GPR141: variants seen among roughly 807,000 people sequenced by gnomAD.
The protein encoded by GPR141 is probable G protein-coupled receptor 141.
Under a neutral mutation model 6.8 loss-of-function variants are expected in GPR141, and 6 were observed. The ratio of observed to expected loss-of-function variants is 0.88; its 90% confidence interval spans 0.48 to 1.74. The LOEUF (loss-of-function observed/expected upper bound fraction) is 1.74, where lower values mean the gene tolerates loss of function less well. GPR141 is among the 40% of genes most tolerant of loss of function. The pLI is 0.01. For synonymous variants in GPR141, 140 were observed against 142.3 expected (o/e 0.98, Z 0.11); for missense variants, 372 against 372.9 (o/e 1.00, Z 0.02).
chr7:37,742,438 C>G lies in GPR141; in HGVS notation c.*1127C>G, dbSNP rs966607341. Among the ~76,000 whole-genome samples the G allele has an allele frequency of 1.3e-5, 2 of 151,516 alleles. No homozygotes were observed. The highest frequency in any genetic ancestry group is 1.3e-4 in the Admixed American group (2 of 15,188). Reference sequence around the variant, plus strand: ...AGGCCCCATTGTGTGATGTTCCCCTCCCTGTGTCCATGTGTTTTCATTGTT... The same window carrying G: ...AGGCCCCATTGTGTGATGTTCCCCTGCCTGTGTCCATGTGTTTTCATTGTT... On this transcript the variant is annotated 3_prime_UTR_variant, in exon 3 of 3. Coordinates refer to ENST00000334425, the MANE Select transcript of GPR141 (RefSeq NM_001381946.1).
At chr7:37,684,371 T>C (rs1020809548) in intron 1 of GPR141, among the ~76,000 whole-genome samples, 23 of 152,298 alleles carry the variant, frequency 1.5e-4, no homozygotes, top group African/African-American at 5.5e-4. Context: ...CTGTAAGCAA[T>C]CAAGTACTTA....
rs373321549 is a variant in GPR141 at position 37,696,908 on chromosome 7, T to A, written c.-15+11325T>A. ...CACAAACATATATAGGTTTTCTTAGTTGCGTTTTCTGGAAAAAATTTTAAT... is the reference window on the plus strand; with the variant it reads ...CACAAACATATATAGGTTTTCTTAGATGCGTTTTCTGGAAAAAATTTTAAT... On this transcript the variant is annotated intron_variant, in intron 2 of 2. Coordinates refer to ENST00000334425, the MANE Select transcript of GPR141 (RefSeq NM_001381946.1). 1.2e-4 allele frequency among the ~76,000 whole-genome samples: 18 copies of A among 152,172 alleles called. No homozygotes were observed. In the East Asian group the frequency reaches 3.1e-3, roughly 26 times the overall value.
Position 37,743,188 on chromosome 7 carries a change from A to T in GPR141, c.*1877A>T, listed in dbSNP as rs1487068455. 1.3e-5 allele frequency among the ~76,000 whole-genome samples: 2 copies of T among 151,242 alleles called. No individual in the cohort carries two copies. The highest frequency in any genetic ancestry group is 1.3e-4 in the Admixed American group (2 of 15,082). ...ATTAAGGGAACTTTTTTTTTCATCA[A>T]GGTATATCTTCGGGATTTAAAAGTT... On this transcript the variant is annotated 3_prime_UTR_variant, in exon 3 of 3. Coordinates refer to ENST00000334425, the MANE Select transcript of GPR141 (RefSeq NM_001381946.1).
chr7:37,688,435 A>AAAAT lies in GPR141; in HGVS notation c.-15+2876_-15+2879dup, dbSNP rs371334926. ...CAACAAGAGCAAAACTCCATTTGAGAAAATAAATAAATAAATAAATAAATA... is the reference window on the plus strand; with the variant it reads ...CAACAAGAGCAAAACTCCATTTGAGAAAATAAATAAATAAATAAATAAATAAATA... On this transcript the variant is annotated intron_variant, in intron 2 of 2. Transcript: ENST00000334425. Among the ~76,000 whole-genome samples the AAAAT allele has an allele frequency of 6.1e-3, 921 of 152,158 alleles. 9 individuals carry two copies. The highest frequency in any genetic ancestry group is 0.014 in the African/African-American group (583 of 41,492).
rs1156657117 is a variant in GPR141, at chr7:37,685,506, G to A, written c.-92G>A. On this transcript the variant is annotated 5_prime_UTR_variant, in exon 2 of 3. An upstream start codon of the reference 5' UTR is lost. Transcript: ENST00000334425. ...GGCTGGAGTTTAGCGACTCAATCAT[G>A]GCTCACTGACTGCAGCATCGACCTC... 6.6e-6 allele frequency: 1 copy of A among 150,644 alleles called. No individual in the cohort carries two copies. Among genetic ancestry groups the A allele is most frequent in the Non-Finnish European group, 1.5e-5 (1 of 67,826 alleles). The allele number at this position is 150,644 out of a possible 1,614,324, so 9.3% of individuals were successfully genotyped here.
intron 2 of GPR141, among the ~76,000 whole-genome samples, chr7:37,716,752 A>G (rs989542544): frequency 3.3e-5 from 5 of 152,248 alleles, no homozygotes; most frequent in Non-Finnish European, 7.3e-5. Flanking sequence ...ATTTTCTGTC[A>G]GCTTATCTGA....
intron 2 of GPR141, among the ~76,000 whole-genome samples, chr7:37,695,732 G>A (rs557638030): frequency 1.3e-5 from 2 of 152,258 alleles, no homozygotes; most frequent in South Asian, 2.1e-4. Context: ...TTGTGGTGAG[G>A]ACATGTGCTA....
intron 2 of GPR141, among the ~76,000 whole-genome samples, chr7:37,696,664 A>G (rs1380335852): frequency 6.6e-6 from 1 of 151,904 alleles, no homozygotes; most frequent in Non-Finnish European, 1.5e-5. Flanking sequence ...CTGCCTTACA[A>G]AGATAATTTT....
intron 2 of GPR141, among the ~76,000 whole-genome samples, chr7:37,730,306 A>C (rs1811860708): frequency 6.6e-6 from 1 of 152,222 alleles, no homozygotes; most frequent in Non-Finnish European, 1.5e-5. Context: ...TCTACAAAAT[A>C]AAGTGTGAGG....
In GPR141 at chr7:37,712,813, G is replaced by A. The variant is rs1214342284; in HGVS notation, c.-15+27230G>A. Among the ~76,000 whole-genome samples, 4 of 152,152 alleles carry A rather than the reference G, an allele frequency of 2.6e-5. No homozygotes were observed. In the East Asian group the frequency reaches 7.7e-4, roughly 29 times the overall value. ...TTTATCCTTATGGACCTGTGTATTG[G>A]CCGAGGGTCAGCCAGTTGGTCAAGG... On this transcript the variant is annotated intron_variant, in intron 2 of 2. Coordinates refer to ENST00000334425, the MANE Select transcript of GPR141 (RefSeq NM_001381946.1).
At chr7:37,704,308 G>A (rs1259516605) in intron 2 of GPR141, among the ~76,000 whole-genome samples, 1 of 151,778 alleles carries the variant, frequency 6.6e-6, no homozygotes, top group African/African-American at 2.4e-5. Flanking sequence ...ATGCTGCTAT[G>A]AAGAAACACC....
chr7:37,732,419 G>A (rs116147222), intron 2 of GPR141, among the ~76,000 whole-genome samples: 371 of 152,170 alleles, frequency 2.4e-3, no homozygotes, highest in African/African-American at 8.6e-3. Context: ...TTAGCAGAAG[G>A]ATAATTTTAG....
chr7:37,733,677 AAAAAAAAAAAAG>A (rs1812093256), intron 2 of GPR141, among the ~76,000 whole-genome samples: 1 of 150,498 alleles, frequency 6.6e-6, no homozygotes, highest in African/African-American at 2.4e-5. Context: ...ATCTCAAAAA[AAAAAAAAAAAAG>A]AAAAAAGAAA....
In GPR141 at chr7:37,741,327, T is replaced by G; in HGVS notation, c.*16T>G. ...GTGCCGTTAGCCACAAACTACAGTA[T>G]TCATATTTGCTTCCTTTATATTGGG... On this transcript the variant is annotated 3_prime_UTR_variant, in exon 3 of 3. Coordinates refer to ENST00000334425, the MANE Select transcript of GPR141 (RefSeq NM_001381946.1). 1 of 1,534,012 alleles carries G rather than the reference T, an allele frequency of 6.5e-7. No individual in the cohort carries two copies.
In GPR141 at chr7:37,712,487, A is replaced by C. The variant is rs148929640; in HGVS notation, c.-15+26904A>C. On this transcript the variant is annotated intron_variant, in intron 2 of 2. Transcript: ENST00000334425. ...CTGAATATTGCTTCTGTTTGGACTAATGATGCTAGACTGATATTTACTCCT... is the reference window on the plus strand; with the variant it reads ...CTGAATATTGCTTCTGTTTGGACTACTGATGCTAGACTGATATTTACTCCT... 3.5e-3 allele frequency among the ~76,000 whole-genome samples: 529 copies of C among 152,242 alleles called. 5 individuals carry two copies. Among genetic ancestry groups the C allele is most frequent in the African/African-American group, 0.012 (506 of 41,532 alleles).
chr7:37,703,071 G>A (rs12673439), intron 2 of GPR141, among the ~76,000 whole-genome samples: 15,214 of 151,994 alleles, frequency 0.1, 1,080 homozygotes, highest in South Asian at 0.26. Flanking sequence ...TAAACCGGTA[G>A]TATTATCTTT....
chr7:37,735,915 A>G (rs1302114553), intron 2 of GPR141, among the ~76,000 whole-genome samples: 2 of 152,168 alleles, frequency 1.3e-5, no homozygotes, highest in Admixed American at 6.5e-5. Flanking sequence ...TAAGAATTCT[A>G]GTTGGTTTAG....
chr7:37,694,434 G>A (rs1247978071), intron 2 of GPR141, among the ~76,000 whole-genome samples: 2 of 152,178 alleles, frequency 1.3e-5, no homozygotes, highest in African/African-American at 2.4e-5. Context: ...TTGAGCTCAG[G>A]CCCCAAGGGG....
At chr7:37,731,397 A>T (rs1044029041) in intron 2 of GPR141, among the ~76,000 whole-genome samples, 7 of 152,196 alleles carry the variant, frequency 4.6e-5, no homozygotes, top group Non-Finnish European at 1.0e-4. Context: ...TCTGAAAGAA[A>T]TGTAGAGAGA....
Sources: gnomAD v4.1 joint callset for allele counts (sites outside exome capture counted in the v4.1 genomes callset) on GRCh38, gnomAD v4.1.1 for gene constraint, MANE v1.5 for transcripts, NCBI Gene and HGNC (gene_info 2026-07-23, HGNC 2026-07-21) for gene names.